Variants in MTA3 observed in about 807,000 individuals in gnomAD.
MTA3 encodes metastasis associated 1 family member 3, also known as metastasis-associated protein MTA3.
MTA3 carries 34 observed loss-of-function variants against 83.5 expected under a neutral mutation model. The ratio of observed to expected loss-of-function variants is 0.41; its 90% CI spans 0.31 to 0.54. MTA3 has a LOEUF of 0.54. Among genes scored for constraint, MTA3 ranks in the 20% least tolerant of loss-of-function variants. The pLI is 0.33. For synonymous variants in MTA3, 303 were observed against 252.7 expected, an observed-to-expected ratio of 1.20 and a Z score of -1.89; for missense variants, 761 against 726.4, an observed-to-expected ratio of 1.05 and a Z score of -0.55.
intron 2 of MTA3, among the ~76,000 whole-genome samples, chr2:42,551,627 C>G (rs914920260): frequency 6.6e-6 from 1 of 152,024 alleles, no homozygotes; most frequent in Non-Finnish European, 1.5e-5. Context: ...TATGGTATGT[C>G]AGGTGTGTTA....
At chr2:42,558,435 A>G (rs1226608695) in intron 2 of MTA3, among the ~76,000 whole-genome samples, 1 of 151,884 alleles carries the variant, frequency 6.6e-6, no homozygotes, top group African/African-American at 2.4e-5. Flanking sequence ...TTTTTAGTAG[A>G]GATGGGGTTT....
At chr2:42,609,711 G>A (rs1683948903) in intron 4 of MTA3, 127 bp downstream of exon 4, 4 of 1,067,414 alleles carry the variant, frequency 3.7e-6, no homozygotes, top group Non-Finnish European at 5.2e-6. Flanking sequence ...GCTTCATAAT[G>A]GAATTTTAGG....
At chr2:42,725,523 A>G (rs1211327165) in intron 16 of MTA3, among the ~76,000 whole-genome samples, 1 of 152,244 alleles carries the variant, frequency 6.6e-6, no homozygotes, top group Non-Finnish European at 1.5e-5. Flanking sequence ...TCAACAGAGA[A>G]CATGGGGCAG....
chr2:42,694,998 G>A (rs917287519), intron 9 of MTA3, among the ~76,000 whole-genome samples: 4 of 152,012 alleles, frequency 2.6e-5, no homozygotes, highest in African/African-American at 4.8e-5. Flanking sequence ...AGAATTAGCC[G>A]GGCATGGTGT....
At chr2:42,565,205 G>C (rs1305714441), upstream of MTA3, among the ~76,000 whole-genome samples, 1 of 151,258 alleles carries the variant, frequency 6.6e-6, no homozygotes, top group Admixed American at 6.6e-5. Context: ...TATTTATTTT[G>C]AGACAGAGTC....
chr2:42,520,627 C>A (rs1176510577), intron 2 of MTA3, among the ~76,000 whole-genome samples: 1 of 151,852 alleles, frequency 6.6e-6, no homozygotes, highest in African/African-American at 2.4e-5. Context: ...GTTGTCCAGG[C>A]TGGAGTCCAG....
chr2:42,626,791 A>G (rs1275091722), intron 4 of MTA3, among the ~76,000 whole-genome samples: 1 of 152,008 alleles, frequency 6.6e-6, no homozygotes, highest in East Asian at 1.9e-4. Context: ...CCCAGGATGT[A>G]GTATAATGGT....
intron 2 of MTA3, among the ~76,000 whole-genome samples, chr2:42,505,018 T>C (rs147266348): frequency 6.6e-6 from 1 of 152,196 alleles, no homozygotes; most frequent in African/African-American, 2.4e-5. Flanking sequence ...TAAGCCCTTC[T>C]AGGAGGCACC....
At chr2:42,642,094 C>T (rs1687748175) in intron 5 of MTA3, among the ~76,000 whole-genome samples, 1 of 152,118 alleles carries the variant, frequency 6.6e-6, no homozygotes, top group Non-Finnish European at 1.5e-5. Context: ...TTTTAATTAT[C>T]ATCCTTTACT....
At chr2:42,730,378 G>A (rs749516834) in intron 16 of MTA3, among the ~76,000 whole-genome samples, 14 of 152,250 alleles carry the variant, frequency 9.2e-5, no homozygotes, top group Middle Eastern at 6.8e-3. Flanking sequence ...TTATTGTGTT[G>A]AAGTGTGTTC....
chr2:42,565,918 T>C (rs1677890173), upstream of MTA3, among the ~76,000 whole-genome samples: 1 of 152,068 alleles, frequency 6.6e-6, no homozygotes, highest in African/African-American at 2.4e-5. Context: ...GCAGGAGAAT[T>C]GCTTGAGCCT....
chr2:42,623,780 T>G (rs1173115652), intron 4 of MTA3, among the ~76,000 whole-genome samples: 1 of 149,980 alleles, frequency 6.7e-6, no homozygotes, highest in Non-Finnish European at 1.5e-5. Context: ...AAACTCCGCC[T>G]TCCAGGTTCA....
In MTA3 at chr2:42,697,783, TA is replaced by T; in HGVS notation, c.978del (p.Ala327GlnfsTer8). The T allele has an allele frequency of 6.5e-7, 1 of 1,542,988 alleles. No individual in the cohort carries two copies. Among genetic ancestry groups the T allele is most frequent in the Non-Finnish European group, 8.7e-7 (1 of 1,145,174 alleles). On this transcript the variant is annotated frameshift_variant, in exon 11 of 17. Coordinates refer to ENST00000405094, the MANE Select transcript of MTA3 (RefSeq NM_001330442.2). LOFTEE classifies it high-confidence loss of function. ...TTDRYVQQKRLKAAEAESKLK... is the reference protein window; with the variant it reads ...TTDRYVQQKRXKAAEAESKLK... ...ATTCATCTTTTGAATTAGAAACGTC[TA>T]AAAGCAGCAGAAGCTGAGAGTAAAC...
At chr2:42,704,369 T>A in intron 12 of MTA3, 51 bp downstream of exon 12, 1 of 1,607,340 alleles carries the variant, frequency 6.2e-7, no homozygotes, top group East Asian at 2.2e-5. Flanking sequence ...TTCTGGCTCA[T>A]GGGGTGTGAG....
At chr2:42,693,014 A>G (rs1428643491) in intron 9 of MTA3, among the ~76,000 whole-genome samples, 1 of 152,206 alleles carries the variant, frequency 6.6e-6, no homozygotes, top group East Asian at 1.9e-4. Flanking sequence ...GTCTCAGATT[A>G]GATCTGGAAT....
At chr2:42,633,204 A>C (rs1686852033) in intron 4 of MTA3, among the ~76,000 whole-genome samples, 1 of 151,612 alleles carries the variant, frequency 6.6e-6, no homozygotes, top group Non-Finnish European at 1.5e-5. Flanking sequence ...CAGAGGTTGC[A>C]GTGAGCCGAG....
intron 3 of MTA3, among the ~76,000 whole-genome samples, chr2:42,588,311 C>A (rs1274654683): frequency 2.6e-5 from 4 of 151,992 alleles, no homozygotes; most frequent in Non-Finnish European, 5.9e-5. Context: ...ATTCATTTAC[C>A]AAATGTATTT....
intron 9 of MTA3, 194 bp downstream of exon 9, chr2:42,682,783 C>A (rs771222727): frequency 7.0e-6 from 4 of 569,280 alleles, no homozygotes; most frequent in Admixed American, 3.1e-5. Context: ...GTAAGACCCA[C>A]GCTATCAGGC....
intron 2 of MTA3, among the ~76,000 whole-genome samples, chr2:42,552,757 C>G (rs2103779619): frequency 6.6e-6 from 1 of 152,116 alleles, no homozygotes; most frequent in East Asian, 1.9e-4. Context: ...AGAGGCCATC[C>G]TGGCCAACAT....
Sources: gnomAD v4.1 joint callset for allele counts (sites outside exome capture counted in the v4.1 genomes callset) on GRCh38, gnomAD v4.1.1 for gene constraint, MANE v1.5 for transcripts, NCBI Gene and HGNC (gene_info 2026-07-23, HGNC 2026-07-21) for gene names.